CIT: variants seen among roughly 807,000 people sequenced by gnomAD.
The protein encoded by CIT is citron Rho-interacting kinase.
In CIT, 79 loss-of-function variants were observed where a neutral mutation model predicts 272.7. The ratio of observed to expected loss-of-function variants is 0.29; its 90% CI spans 0.24 to 0.35. The LOEUF (loss-of-function observed/expected upper bound fraction) is 0.35, where lower values mean the gene tolerates loss of function less well. Ranked by LOEUF, CIT falls within the 10% of genes least tolerant of loss-of-function variation. CIT has a pLI of 1.00. For synonymous variants in CIT, 948 were observed against 995.6 expected (o/e 0.95, Z 0.90); for missense variants, 1,909 against 2,618.3 (o/e 0.73, Z 5.91).
chr12:119,756,214 G>A (rs1209475761), intron 22 of CIT, among the ~76,000 whole-genome samples: 1 of 152,188 alleles, frequency 6.6e-6, no homozygotes, highest in African/African-American at 2.4e-5. Flanking sequence ...CCAGAAGGAG[G>A]GCCTGGGGTC....
chr12:119,801,545 C>A (rs1438681621), intron 10 of CIT, among the ~76,000 whole-genome samples: 2 of 152,196 alleles, frequency 1.3e-5, no homozygotes, highest in Non-Finnish European at 2.9e-5. Context: ...CCCAAGCAAG[C>A]TTGCATTCTG....
At chr12:119,837,911 T>C (rs1181380810) in intron 5 of CIT, among the ~76,000 whole-genome samples, 1 of 152,024 alleles carries the variant, frequency 6.6e-6, no homozygotes, top group Non-Finnish European at 1.5e-5. Flanking sequence ...CTAATAAAAA[T>C]TAAAAATTTA....
Position 119,734,288 on chromosome 12 carries a change from C to T in CIT, c.3226G>A (p.Asp1076Asn), listed in dbSNP as rs1565959271. Reference sequence around the variant, plus strand: ...TGCCGCTCTTTTTCTAGCAGCTCATCGTTTAGGGCCTCCAAATCCATGACC... The same window carrying T: ...TGCCGCTCTTTTTCTAGCAGCTCATTGTTTAGGGCCTCCAAATCCATGACC... ...EQVMDLEALNDELLEKERQWE... is the reference protein window; with the variant it reads ...EQVMDLEALNNELLEKERQWE... The change falls in exon 26 of 48, where the codon GAT becomes AAT. Residue 1076 changes from aspartate to asparagine, a missense_variant. Transcript: ENST00000392521. The T allele has an allele frequency of 6.2e-7, 1 of 1,613,964 alleles. No homozygotes were observed. Among genetic ancestry groups the T allele is most frequent in the Middle Eastern group, 1.6e-4 (1 of 6,062 alleles).
At chr12:119,701,442 C>T (rs576604342) in intron 43 of CIT, among the ~76,000 whole-genome samples, 182 bp downstream of exon 43, 3 of 152,246 alleles carry the variant, frequency 2.0e-5, no homozygotes, top group Admixed American at 6.5e-5. Flanking sequence ...AGTTAGACCA[C>T]GCTAGTATCT....
chr12:119,827,494 G>A (rs1429380840), intron 7 of CIT, among the ~76,000 whole-genome samples: 1 of 151,274 alleles, frequency 6.6e-6, no homozygotes, highest in Non-Finnish European at 1.5e-5. Context: ...CTGGAGTGCA[G>A]TGCTGCGATC....
rs533966491 is a variant in CIT at position 119,718,178 on chromosome 12, G to T, written c.4168+67C>A. On this transcript the variant is annotated intron_variant, in intron 32 of 47. Coordinates refer to ENST00000392521, the MANE Select transcript of CIT (RefSeq NM_001206999.2). The surrounding 1 kb of genome is among the most constrained non-coding windows in gnomAD (Gnocchi z 4.8). ...TAATCTTTAACCCCTAGTATTACTT[G>T]TAATTTTTACCATATGCCCACATGT... The T allele has an allele frequency of 8.9e-5, 135 of 1,521,752 alleles. 1 individual carries two copies. The East Asian group carries it at 2.9e-3, about 33-fold the overall frequency. 94.3% of individuals were successfully genotyped at this position (1,521,752 alleles called of 1,614,324 possible).
chr12:119,689,759 G>A (rs1955821136), intron 47 of CIT, among the ~76,000 whole-genome samples: 1 of 133,534 alleles, frequency 7.5e-6, no homozygotes, highest in Non-Finnish European at 1.5e-5. Flanking sequence ...CTCACTGCAA[G>A]CTCCGCCCTC....
chr12:119,702,999 A>C (rs1402585457), intron 41 of CIT, among the ~76,000 whole-genome samples: 1 of 152,180 alleles, frequency 6.6e-6, no homozygotes, highest in Non-Finnish European at 1.5e-5. Context: ...ACCTATTCAA[A>C]ATGTGTGGCC....
chr12:119,759,734 C>G (rs1408793732), intron 20 of CIT, among the ~76,000 whole-genome samples: 1 of 152,144 alleles, frequency 6.6e-6, no homozygotes, highest in Non-Finnish European at 1.5e-5. Flanking sequence ...CATCCCCCCA[C>G]CCCTGTGGAA....
intron 25 of CIT, among the ~76,000 whole-genome samples, chr12:119,734,722 G>A (rs278110): frequency 0.48 from 72,365 of 151,834 alleles, 17,701 homozygotes; most frequent in Admixed American, 0.58. Context: ...CTGCAGCCTC[G>A]ACCTCCTGGG....
At chr12:119,860,201 G>A (rs919171032) in intron 3 of CIT, among the ~76,000 whole-genome samples, 1 of 152,062 alleles carries the variant, frequency 6.6e-6, no homozygotes, top group Non-Finnish European at 1.5e-5. Flanking sequence ...CTTATAATGA[G>A]TGCCGCGGTA....
chr12:119,796,088 T>C (rs1292095845), intron 10 of CIT, among the ~76,000 whole-genome samples: 2 of 152,230 alleles, frequency 1.3e-5, no homozygotes, highest in East Asian at 1.9e-4. Context: ...GACAACACTA[T>C]TGAAGTGATT....
chr12:119,838,750 G>C (rs1969199110), intron 5 of CIT, among the ~76,000 whole-genome samples: 1 of 152,170 alleles, frequency 6.6e-6, no homozygotes, highest in Non-Finnish European at 1.5e-5. Context: ...CAAGATCACT[G>C]ACGACAAAGG....
intron 32 of CIT, among the ~76,000 whole-genome samples, chr12:119,717,708 A>AC (rs1957584687): frequency 6.6e-6 from 1 of 151,986 alleles, no homozygotes; most frequent in Non-Finnish European, 1.5e-5. Context: ...GGCGTGAGCC[A>AC]CCATGCCCAG....
chr12:119,689,695 T>TTTTTTTTTTG (rs1555213865), intron 47 of CIT, among the ~76,000 whole-genome samples: 5 of 142,202 alleles, frequency 3.5e-5, no homozygotes, highest in African/African-American at 1.3e-4. Flanking sequence ...TTTTTTTTTT[T>TTTTTTTTTTG]AAGACAGAGT....
intron 3 of CIT, among the ~76,000 whole-genome samples, chr12:119,866,759 C>T (rs778545356): frequency 1.3e-5 from 2 of 152,086 alleles, no homozygotes; most frequent in Non-Finnish European, 2.9e-5. Flanking sequence ...TTGGAGGCTG[C>T]AGTGAGCTAT....
chr12:119,824,321 TC>T (rs1020374708), intron 8 of CIT, among the ~76,000 whole-genome samples: 1 of 152,030 alleles, frequency 6.6e-6, no homozygotes, highest in Non-Finnish European at 1.5e-5. Context: ...TGCTTTGGTT[TC>T]CTCATCTATA....
chr12:119,761,073 G>A lies in CIT; in HGVS notation c.2305-18C>T. Reference sequence around the variant, plus strand: ...TCCAACACCTACAAAAACAAAAGCAGCAGCAAATGTTCTCAGGAGCCAAGC... The same window carrying A: ...TCCAACACCTACAAAAACAAAAGCAACAGCAAATGTTCTCAGGAGCCAAGC... On this transcript the variant is annotated intron_variant, in intron 19 of 47. Transcript: ENST00000392521. The A allele has an allele frequency of 1.3e-6, 2 of 1,563,434 alleles. No individual in the cohort carries two copies. The highest frequency in any genetic ancestry group is 1.8e-6 in the Non-Finnish European group (2 of 1,133,920).
chr12:119,804,138 A>C lies in CIT; in HGVS notation c.1112-749T>G. Reference sequence around the variant, plus strand: ...CCCTGCGCGCTGACGGTGGGAATGCACGGATGGACATATGCGGCTCCTACC... The same window carrying C: ...CCCTGCGCGCTGACGGTGGGAATGCCCGGATGGACATATGCGGCTCCTACC... On this transcript the variant is annotated intron_variant, in intron 9 of 47. Transcript: ENST00000392521. This position sits in a 1 kb window ranked among gnomAD's most constrained non-coding sequence, Gnocchi z 5.3. 1.0e-6 allele frequency: 1 copy of C among 984,572 alleles called. No homozygotes were observed. Among genetic ancestry groups the C allele is most frequent in the African/African-American group, 1.7e-5 (1 of 57,306 alleles). 61.0% of individuals were successfully genotyped at this position (984,572 alleles called of 1,614,324 possible).
Sources: gnomAD v4.1 joint callset for allele counts (sites outside exome capture counted in the v4.1 genomes callset) on GRCh38, gnomAD v4.1.1 for gene constraint, Gnocchi (gnomAD v3.1) non-coding constraint, MANE v1.5 for transcripts, NCBI Gene and HGNC (gene_info 2026-07-23, HGNC 2026-07-21) for gene names.